The following ZNF521 variants were observed in gnomAD, a reference collection of about 807,000 sequenced individuals.
The protein encoded by ZNF521 is LYST-interacting protein 3.
In ZNF521, 14 loss-of-function variants were observed where a neutral mutation model predicts 105.5. That is an observed-to-expected ratio of 0.13 (90% CI 0.09 to 0.21). The LOEUF (loss-of-function observed/expected upper bound fraction) is 0.21. Among genes scored for constraint, ZNF521 ranks in the 10% least tolerant of loss-of-function variants. The probability of loss-of-function intolerance (pLI) is 1.00; values close to 1 mark genes in which losing one functional copy is unlikely to be tolerated. For missense variants in ZNF521, 1,233 were observed against 1,629.7 expected (o/e 0.76, Z 4.19); for synonymous variants, 635 against 606.0 (o/e 1.05, Z -0.70).
chr18:25,180,839 A>AAACAAC (rs59270952), intron 5 of ZNF521, among the ~76,000 whole-genome samples: 3,623 of 151,894 alleles, frequency 0.024, 146 homozygotes, highest in African/African-American at 0.083. Flanking sequence ...GCCTCATTCA[A>AAACAAC]AACAACAACA....
chr18:25,312,188 AAGTT>A (rs1323153962), intron 3 of ZNF521, among the ~76,000 whole-genome samples: 2 of 152,192 alleles, frequency 1.3e-5, no homozygotes, highest in African/African-American at 4.8e-5. Context: ...TAATTTTAAT[AAGTT>A]AATTAATGTA....
chr18:25,157,483 G>A (rs1249207267), intron 5 of ZNF521, among the ~76,000 whole-genome samples: 3 of 152,174 alleles, frequency 2.0e-5, no homozygotes, highest in Non-Finnish European at 4.4e-5. Context: ...TTATCCTAAG[G>A]AGATAATCAG....
intron 4 of ZNF521, among the ~76,000 whole-genome samples, chr18:25,199,873 T>C (rs1343457858): frequency 6.6e-6 from 1 of 152,080 alleles, no homozygotes; most frequent in Non-Finnish European, 1.5e-5. Flanking sequence ...TTTTTGTTTT[T>C]TACATAAATC....
At chr18:25,267,622 A>G (rs931323895) in intron 3 of ZNF521, among the ~76,000 whole-genome samples, 1 of 152,224 alleles carries the variant, frequency 6.6e-6, no homozygotes. Flanking sequence ...TCTGCTGGTG[A>G]TACCCCGGCA....
At chr18:25,240,169 T>A (rs1907212177) in intron 3 of ZNF521, among the ~76,000 whole-genome samples, 1 of 152,146 alleles carries the variant, frequency 6.6e-6, no homozygotes, top group Non-Finnish European at 1.5e-5. Flanking sequence ...CTAAGTGGCA[T>A]CAGAAGTGCC....
chr18:25,129,265 A>AATAATT (rs1289258621), intron 5 of ZNF521, among the ~76,000 whole-genome samples: 1 of 30,774 alleles, frequency 3.2e-5, no homozygotes, highest in African/African-American at 5.5e-5. Context: ...TAATAATAAT[A>AATAATT]ATTATTATTA....
At chr18:25,315,830 C>A (rs1159687099) in intron 3 of ZNF521, 1 of 152,172 alleles carries the variant, frequency 6.6e-6, no homozygotes, top group East Asian at 1.9e-4. Flanking sequence ...CTTAAGTTAC[C>A]AAGAAAACCC....
chr18:25,229,056 A>C (rs140173151), intron 3 of ZNF521, among the ~76,000 whole-genome samples: 10 of 152,348 alleles, frequency 6.6e-5, no homozygotes, highest in Non-Finnish European at 1.5e-4. Flanking sequence ...ATGGTATTCA[A>C]TTAGAGTATG....
At chr18:25,283,113 C>T (rs778403464) in intron 3 of ZNF521, among the ~76,000 whole-genome samples, 2 of 152,202 alleles carry the variant, frequency 1.3e-5, no homozygotes, top group Admixed American at 6.5e-5. Flanking sequence ...GAAAGTACAA[C>T]CAAAATCTCA....
At chr18:25,185,456 G>A (rs2035704846) in intron 5 of ZNF521, among the ~76,000 whole-genome samples, 1 of 152,134 alleles carries the variant, frequency 6.6e-6, no homozygotes, top group Non-Finnish European at 1.5e-5. Context: ...GTCGCCAACA[G>A]TAAGTTCGGC....
intron 5 of ZNF521, among the ~76,000 whole-genome samples, chr18:25,113,896 C>T (rs1226691099): frequency 1.3e-5 from 2 of 152,102 alleles, no homozygotes; most frequent in East Asian, 3.9e-4. Flanking sequence ...AGAGAATAAA[C>T]CCAGTACAAT....
intron 3 of ZNF521, among the ~76,000 whole-genome samples, chr18:25,251,707 C>T (rs941724335): frequency 6.6e-6 from 1 of 152,204 alleles, no homozygotes; most frequent in East Asian, 1.9e-4. Context: ...ATCCACTATA[C>T]AGGCCAACGT....
chr18:25,322,535 CAAAA>C (rs71902592), intron 2 of ZNF521, among the ~76,000 whole-genome samples: 2 of 107,330 alleles, frequency 1.9e-5, no homozygotes, highest in Non-Finnish European at 3.8e-5. Context: ...GTCTCCAATG[CAAAA>C]AAAAAAAAAA....
intron 2 of ZNF521, among the ~76,000 whole-genome samples, chr18:25,336,573 T>C (rs1913892112): frequency 6.6e-6 from 1 of 152,258 alleles, no homozygotes. Flanking sequence ...ATTTCTGCAG[T>C]AATTTTTCTT....
chr18:25,070,511 C>T (rs1358819421), intron 7 of ZNF521, among the ~76,000 whole-genome samples: 2 of 152,162 alleles, frequency 1.3e-5, no homozygotes, highest in Non-Finnish European at 2.9e-5. Flanking sequence ...ACATCCCATT[C>T]ACTTGCTTGG....
chr18:25,210,962 C>T (rs2036168631), intron 4 of ZNF521, among the ~76,000 whole-genome samples: 1 of 152,182 alleles, frequency 6.6e-6, no homozygotes, highest in South Asian at 2.1e-4. Context: ...ATGCCTTGTG[C>T]ATGGCAGGAA....
At chr18:25,166,070 A>G (rs1600109526) in intron 5 of ZNF521, among the ~76,000 whole-genome samples, 1 of 152,226 alleles carries the variant, frequency 6.6e-6, no homozygotes, top group African/African-American at 2.4e-5. Context: ...GTTAGTCCAC[A>G]TATAACACAA....
chr18:25,145,791 C>T (rs1460424398), intron 5 of ZNF521, among the ~76,000 whole-genome samples: 1 of 152,176 alleles, frequency 6.6e-6, no homozygotes, highest in Non-Finnish European at 1.5e-5. Context: ...GAAATTCCAG[C>T]TTTTCCATAG....
At position 25,323,364 on chromosome 18, in the gene ZNF521, T is replaced by C. The variant is rs577642635; in HGVS notation, c.41-1177A>G. ...GGCATTATCTGTAGCCACATTTTTATATGACTACAATATTACTTTTAATGG... is the reference window on the plus strand; with the variant it reads ...GGCATTATCTGTAGCCACATTTTTACATGACTACAATATTACTTTTAATGG... On this transcript the variant is annotated intron_variant, in intron 2 of 7. Transcript: ENST00000361524. Among the ~76,000 whole-genome samples the C allele has an allele frequency of 8.5e-5, 13 of 152,316 alleles. No homozygotes were observed. The South Asian group carries it at 2.7e-3, about 32-fold the overall frequency.
Sources: allele counts gnomAD v4.1 joint callset (sites outside exome capture counted in the v4.1 genomes callset), GRCh38; gene constraint gnomAD v4.1.1; transcripts MANE v1.5; gene names NCBI Gene and HGNC (gene_info 2026-07-23, HGNC 2026-07-21).